ACOT7: variants seen among roughly 807,000 people sequenced by gnomAD.
The protein encoded by ACOT7 is cytosolic acyl coenzyme A thioester hydrolase.
A neutral mutation model predicts 40.2 loss-of-function variants in ACOT7; 12 were observed. That is an observed-to-expected ratio of 0.30 (90% confidence interval 0.19 to 0.48). ACOT7 has a LOEUF of 0.48. Among genes scored for constraint, ACOT7 ranks in the 20% least tolerant of loss-of-function variants. The pLI is 0.99. For missense variants in ACOT7, 395 were observed against 530.8 expected (o/e 0.74, Z 2.51); for synonymous variants, 228 against 219.5 (o/e 1.04, Z -0.34).
At chr1:6,287,609 C>T (rs1355598218) in intron 7 of ACOT7, among the ~76,000 whole-genome samples, 1 of 152,214 alleles carries the variant, frequency 6.6e-6, no homozygotes, top group Non-Finnish European at 1.5e-5. Context: ...TTGAGCCTGC[C>T]TGGAGTGGCA....
intron 3 of ACOT7, among the ~76,000 whole-genome samples, chr1:6,336,838 G>A (rs1641119028): frequency 6.6e-6 from 1 of 152,190 alleles, no homozygotes; most frequent in Admixed American, 6.5e-5. Flanking sequence ...AGACTGCAGA[G>A]AGAGATGGCA....
At chr1:6,314,243 T>C (rs1640421523) in intron 6 of ACOT7, among the ~76,000 whole-genome samples, 1 of 151,968 alleles carries the variant, frequency 6.6e-6, no homozygotes, top group East Asian at 1.9e-4. Flanking sequence ...ATCTGAAACT[T>C]ACGCATCAAG....
At chr1:6,378,808 G>A (rs536964301) in intron 1 of ACOT7, among the ~76,000 whole-genome samples, 1 of 152,088 alleles carries the variant, frequency 6.6e-6, no homozygotes, top group South Asian at 2.1e-4. Flanking sequence ...TGTTCAGCAA[G>A]GGGAGGGAAA....
chr1:6,318,061 A>C (rs1275112399), intron 6 of ACOT7, among the ~76,000 whole-genome samples: 3 of 145,336 alleles, frequency 2.1e-5, no homozygotes, highest in Non-Finnish European at 4.5e-5. Flanking sequence ...TTTATTGTTC[A>C]ACCTTTTCTT....
intron 2 of ACOT7, among the ~76,000 whole-genome samples, chr1:6,348,238 C>G (rs1157527554): frequency 6.6e-6 from 1 of 152,168 alleles, no homozygotes; most frequent in Admixed American, 6.5e-5. Flanking sequence ...CACTCCTGAA[C>G]CTGTACCACA....
Position 6,359,100 on chromosome 1 carries a change from T to A in ACOT7, c.144-9234A>T. 1 of 429,062 alleles carries A rather than the reference T, an allele frequency of 2.3e-6. No individual in the cohort carries two copies. Among genetic ancestry groups the A allele is most frequent in the Non-Finnish European group, 4.1e-6 (1 of 241,556 alleles). The allele number at this position is 429,062 out of a possible 1,614,324, so 26.6% of individuals were successfully genotyped here. A position where few individuals can be genotyped will look rare whatever the true frequency, so the allele number is the denominator to read the frequency against. On this transcript the variant is annotated intron_variant, in intron 1 of 8. Coordinates refer to ENST00000361521, the MANE Select transcript of ACOT7 (RefSeq NM_007274.4). The surrounding 1 kb of genome is among the most constrained non-coding windows in gnomAD (Gnocchi z 4.1). ...AATAATTACAGAAGAAGTAATTCTG[T>A]GAGCTCTTCTGGCTGCCATGCCAGG... is the stretch of plus-strand genomic sequence containing the variant.
rs768964550 is a variant in ACOT7, at chr1:6,289,382, G to C, written c.829+5482C>G. Among the ~76,000 whole-genome samples, 4 of 151,960 alleles carry C rather than the reference G, an allele frequency of 2.6e-5. No individual in the cohort carries two copies. Among genetic ancestry groups the C allele is most frequent in the Non-Finnish European group, 5.9e-5 (4 of 68,014 alleles). On this transcript the variant is annotated intron_variant, in intron 7 of 8. Coordinates refer to ENST00000361521, the MANE Select transcript of ACOT7 (RefSeq NM_007274.4). This position sits in a 1 kb window ranked among gnomAD's most constrained non-coding sequence, Gnocchi z 4.6. ...CCCAAAGTGCTGGGATTACAGGAGT[G>C]AGCCACCACGCCCAGCCTGTTTTTG...
chr1:6,270,947 G>A (rs1329291046), intron 8 of ACOT7, among the ~76,000 whole-genome samples: 2 of 152,158 alleles, frequency 1.3e-5, no homozygotes, highest in Non-Finnish European at 2.9e-5. Context: ...GGTGGGGAGG[G>A]TCCCAAGGTA....
At chr1:6,343,071 G>A (rs1454872409) in intron 2 of ACOT7, among the ~76,000 whole-genome samples, 1 of 152,212 alleles carries the variant, frequency 6.6e-6, no homozygotes, top group Admixed American at 6.5e-5. Context: ...CCCAGGGCGG[G>A]CAGGGAGCAG....
rs3789516 is a variant in ACOT7, at chr1:6,266,128, G to A, written c.1015-1433C>T. ...GTACACAGGAAAACTGCTTTTCCAA[G>A]ACACTTTATTGAAGAAGTCCCTCCC... On this transcript the variant is annotated intron_variant, in intron 8 of 8. Coordinates refer to ENST00000361521, the MANE Select transcript of ACOT7 (RefSeq NM_007274.4). Among the ~76,000 whole-genome samples the A allele has an allele frequency of 8.5e-5, 13 of 152,334 alleles. No individual in the cohort carries two copies. In the East Asian group the frequency reaches 2.5e-3, roughly 29 times the overall value.
chr1:6,354,082 T>C (rs760843086), intron 1 of ACOT7, among the ~76,000 whole-genome samples: 34 of 152,314 alleles, frequency 2.2e-4, no homozygotes, highest in Admixed American at 1.1e-3. Context: ...GTCCAGTCCT[T>C]GTAGCATGAG....
At chr1:6,366,448 T>C (rs1642013094) in intron 1 of ACOT7, among the ~76,000 whole-genome samples, 1 of 151,948 alleles carries the variant, frequency 6.6e-6, no homozygotes, top group African/African-American at 2.4e-5. Context: ...TAGCTACTCA[T>C]GGTGGCACTT....
intron 6 of ACOT7, among the ~76,000 whole-genome samples, chr1:6,297,546 C>T (rs1198734457): frequency 6.6e-6 from 1 of 152,188 alleles, no homozygotes; most frequent in African/African-American, 2.4e-5. Context: ...CTACCTAGCG[C>T]CCCCCATGGG....
chr1:6,383,832 G>A (rs1327130690), intron 1 of ACOT7, among the ~76,000 whole-genome samples: 1 of 151,748 alleles, frequency 6.6e-6, no homozygotes, highest in Non-Finnish European at 1.5e-5. Context: ...AGCATCCCAA[G>A]TAGCTGGGAC....
intron 5 of ACOT7, among the ~76,000 whole-genome samples, chr1:6,320,239 GGA>G (rs1557648778): frequency 6.6e-6 from 1 of 152,220 alleles, no homozygotes; most frequent in Non-Finnish European, 1.5e-5. Flanking sequence ...GATCCGAAAA[GGA>G]GAGTTTTGTG....
intron 1 of ACOT7, among the ~76,000 whole-genome samples, chr1:6,378,253 G>A (rs1013044683): frequency 3.3e-5 from 5 of 151,286 alleles, no homozygotes; most frequent in Admixed American, 1.3e-4. Context: ...GGGAGGGAGG[G>A]GCAGTGTCTA....
At position 6,354,919 on chromosome 1, in the gene ACOT7, G is replaced by A. The variant is rs751195338; in HGVS notation, c.144-5053C>T. ...CTTGGCTGAGATCCTAACTGGCCCC[G>A]ACTGCACAGCCCCAGGACCAAGTCA... is the stretch of plus-strand genomic sequence containing the variant. On this transcript the variant is annotated intron_variant, in intron 1 of 8. Transcript: ENST00000361521. 9.3e-4 allele frequency among the ~76,000 whole-genome samples: 141 copies of A among 151,040 alleles called. 1 individual carries two copies. The highest frequency in any genetic ancestry group is 1.9e-3 in the South Asian group (9 of 4,776).
At chr1:6,283,001 AGGCC>A in intron 7 of ACOT7, 2 of 440,204 alleles carry the variant, frequency 4.5e-6, no homozygotes, top group African/African-American at 4.0e-5. Flanking sequence ...TGGGAGTCAC[AGGCC>A]AAAAAGCAGG....
At chr1:6,356,387 G>A (rs570949894) in intron 1 of ACOT7, among the ~76,000 whole-genome samples, 1 of 152,190 alleles carries the variant, frequency 6.6e-6, no homozygotes, top group East Asian at 1.9e-4. Context: ...AGCAGCGGCA[G>A]CACCCTCAGC....
Sources: gnomAD v4.1 joint callset for allele counts (sites outside exome capture counted in the v4.1 genomes callset) on GRCh38, gnomAD v4.1.1 for gene constraint, Gnocchi (gnomAD v3.1) non-coding constraint, MANE v1.5 for transcripts, NCBI Gene and HGNC (gene_info 2026-07-23, HGNC 2026-07-21) for gene names.